The following EYS variants were observed in gnomAD, a reference collection of about 807,000 sequenced individuals.
EYS encodes the protein protein eyes shut homolog.
In EYS, 250 loss-of-function variants were observed where a neutral mutation model predicts 282.1. The observed-to-expected ratio is 0.89, with a 90% CI of 0.80 to 0.98. The LOEUF is 0.98. Among genes scored for constraint, EYS ranks in the 50% least tolerant of loss-of-function variants. EYS has a pLI of 0.00. For missense variants in EYS, 4,016 were observed against 3,709.0 expected (o/e 1.08, Z -2.15); for synonymous variants, 1,355 against 1,282.9 (o/e 1.06, Z -1.20).
chr6:64,978,876 C>A lies in EYS; in HGVS notation c.2259+18706G>T, dbSNP rs1047675244. 7.9e-5 allele frequency among the ~76,000 whole-genome samples: 12 copies of A among 151,740 alleles called. No homozygotes were observed. The Admixed American group carries it at 7.9e-4, about 10-fold the overall frequency. Reference sequence around the variant, plus strand: ...GCTTGAACATGTGACTGGATTGCTGCCATATTGTGATCAAACTTGAATGAA... The same window carrying A: ...GCTTGAACATGTGACTGGATTGCTGACATATTGTGATCAAACTTGAATGAA... On this transcript the variant is annotated intron_variant, in intron 14 of 42. Coordinates refer to ENST00000503581, the MANE Select transcript of EYS (RefSeq NM_001142800.2).
At chr6:64,023,610 G>T (rs1417611648) in intron 33 of EYS, among the ~76,000 whole-genome samples, 1 of 152,212 alleles carries the variant, frequency 6.6e-6, no homozygotes, top group East Asian at 1.9e-4. Flanking sequence ...AAGTGGTATT[G>T]AGAGGCAACA....
At chr6:65,387,336 T>C (rs1456167601) in intron 7 of EYS, among the ~76,000 whole-genome samples, 1 of 151,950 alleles carries the variant, frequency 6.6e-6, no homozygotes, top group Non-Finnish European at 1.5e-5. Context: ...ATGTTTTATG[T>C]AATACAGAAC....
intron 31 of EYS, among the ~76,000 whole-genome samples, chr6:64,214,891 T>G (rs1249472024): frequency 6.6e-6 from 1 of 152,030 alleles, no homozygotes; most frequent in African/African-American, 2.4e-5. Context: ...TTCCATTTGA[T>G]ATGTATGTAA....
intron 31 of EYS, among the ~76,000 whole-genome samples, chr6:64,195,717 C>A (rs1167053382): frequency 1.3e-5 from 2 of 151,938 alleles, no homozygotes; most frequent in Non-Finnish European, 2.9e-5. Flanking sequence ...ATCCAGAATA[C>A]CTATTTATTT....
At chr6:63,924,349 GT>G (rs2149745882) in intron 35 of EYS, among the ~76,000 whole-genome samples, 1 of 152,256 alleles carries the variant, frequency 6.6e-6, no homozygotes, top group East Asian at 1.9e-4. Context: ...AATGCTTCGT[GT>G]GGAAAAAGAA....
intron 14 of EYS, among the ~76,000 whole-genome samples, chr6:64,987,318 G>A (rs2150120202): frequency 6.6e-6 from 1 of 151,566 alleles, no homozygotes; most frequent in Non-Finnish European, 1.5e-5. Flanking sequence ...AATCACTGTG[G>A]CTATGCACAG....
chr6:65,607,811 C>T (rs1341191271), intron 2 of EYS, among the ~76,000 whole-genome samples: 1 of 151,762 alleles, frequency 6.6e-6, no homozygotes, highest in Non-Finnish European at 1.5e-5. Context: ...AATAAAATGC[C>T]ACTCTTATTG....
At chr6:65,117,658 C>T (rs1238274276) in intron 12 of EYS, among the ~76,000 whole-genome samples, 3 of 152,028 alleles carry the variant, frequency 2.0e-5, no homozygotes, top group Non-Finnish European at 2.9e-5. Context: ...AGTTCAACAA[C>T]AAAAACATAA....
At chr6:65,164,353 T>C (rs1764919670) in intron 12 of EYS, among the ~76,000 whole-genome samples, 1 of 151,348 alleles carries the variant, frequency 6.6e-6, no homozygotes, top group South Asian at 2.1e-4. Context: ...TTCAGGTCTA[T>C]TGATCTATTG....
intron 26 of EYS, among the ~76,000 whole-genome samples, chr6:64,540,475 A>AT (rs397888030): frequency 0.012 from 1,012 of 83,480 alleles, 22 homozygotes; most frequent in African/African-American, 0.022. Context: ...CCAAGTACAG[A>AT]TTTTTTTTTT....
chr6:63,779,396 G>C (rs1770149640), intron 39 of EYS: 1 of 151,330 alleles, frequency 6.6e-6, no homozygotes, highest in Admixed American at 6.6e-5. Flanking sequence ...AGAGCTTGAA[G>C]TGAGCTGAGA....
chr6:64,889,886 G>A (rs1197406269), intron 18 of EYS, among the ~76,000 whole-genome samples: 1 of 152,072 alleles, frequency 6.6e-6, no homozygotes, highest in Non-Finnish European at 1.5e-5. Context: ...GGGAATAAGA[G>A]AGATAACCTT....
rs140782757 is a variant in EYS, at chr6:64,897,181, G to A, written c.2846+4932C>T. Among the ~76,000 whole-genome samples, 283 of 152,208 alleles carry A rather than the reference G, an allele frequency of 1.9e-3. 2 individuals carry two copies. The highest frequency in any genetic ancestry group is 6.3e-3 in the African/African-American group (260 of 41,534). On this transcript the variant is annotated intron_variant, in intron 18 of 42. Transcript: ENST00000503581. The stretch of plus-strand genomic sequence containing the variant: ...TGGGAGACAACTCCCAGCAGCGGTC[G>A]ACAGACACCTCATACAGGAGAGCTC...
chr6:63,808,363 A>G (rs1403899579), intron 36 of EYS, among the ~76,000 whole-genome samples: 1 of 152,196 alleles, frequency 6.6e-6, no homozygotes, highest in Non-Finnish European at 1.5e-5. Flanking sequence ...CAAATCATGA[A>G]GAACTATATA....
At chr6:64,040,732 G>A (rs1328485538) in intron 33 of EYS, among the ~76,000 whole-genome samples, 1 of 152,204 alleles carries the variant, frequency 6.6e-6, no homozygotes, top group Non-Finnish European at 1.5e-5. Context: ...CTCTAGAGCT[G>A]CAGTGACAAA....
At chr6:64,005,305 C>T (rs1768291847) in intron 33 of EYS, among the ~76,000 whole-genome samples, 1 of 152,092 alleles carries the variant, frequency 6.6e-6, no homozygotes, top group Admixed American at 6.6e-5. Context: ...TCTTTGCCCA[C>T]TTTTTAGTGA....
chr6:63,824,127 G>A (rs147593368), intron 36 of EYS, among the ~76,000 whole-genome samples: 1,551 of 152,266 alleles, frequency 0.01, 25 homozygotes, highest in African/African-American at 0.036. Context: ...CATTTATAAC[G>A]TAACTATAAT....
chr6:64,392,877 C>T (rs1773206302), intron 28 of EYS, among the ~76,000 whole-genome samples: 2 of 151,830 alleles, frequency 1.3e-5, no homozygotes, highest in South Asian at 4.2e-4. Flanking sequence ...TGATAGACCG[C>T]TAGCAAGACT....
At chr6:64,612,299 C>T (rs1218976321) in intron 24 of EYS, among the ~76,000 whole-genome samples, 1 of 152,000 alleles carries the variant, frequency 6.6e-6, no homozygotes, top group African/African-American at 2.4e-5. Flanking sequence ...CTATCATTTA[C>T]AAAACACAAT....
Sources: gnomAD v4.1 joint callset for allele counts (sites outside exome capture counted in the v4.1 genomes callset) on GRCh38, gnomAD v4.1.1 for gene constraint, MANE v1.5 for transcripts, NCBI Gene and HGNC (gene_info 2026-07-23, HGNC 2026-07-21) for gene names.